Variants in ZBTB38 observed in about 807,000 individuals in gnomAD.
The protein encoded by ZBTB38 is zinc finger and BTB domain-containing protein 38.
ZBTB38 carries 20 observed loss-of-function variants against 76.8 expected under a neutral mutation model. The ratio of observed to expected loss-of-function variants is 0.26; its 90% CI spans 0.18 to 0.38. The LOEUF (loss-of-function observed/expected upper bound fraction) is 0.38. Ranked by LOEUF, ZBTB38 falls within the 10% of genes least tolerant of loss-of-function variation. ZBTB38 has a pLI of 1.00. For synonymous variants in ZBTB38, 504 were observed against 544.2 expected (o/e 0.93, Z 1.03); for missense variants, 1,082 against 1,482.3 (o/e 0.73, Z 4.43).
At chr3:141,332,442 AC>A (rs1330241433) in intron 1 of ZBTB38, among the ~76,000 whole-genome samples, 1 of 152,106 alleles carries the variant, frequency 6.6e-6, no homozygotes, top group Non-Finnish European at 1.5e-5. Flanking sequence ...CTACTCTAGC[AC>A]CTGGCAACTC....
chr3:141,399,436 C>CA (rs1320993377), intron 4 of ZBTB38, among the ~76,000 whole-genome samples: 1 of 152,124 alleles, frequency 6.6e-6, no homozygotes, highest in Admixed American at 6.5e-5. Flanking sequence ...GATTTACTAC[C>CA]AAACACACAC....
At chr3:141,407,348 C>T (rs1275510975) in intron 5 of ZBTB38, among the ~76,000 whole-genome samples, 1 of 152,194 alleles carries the variant, frequency 6.6e-6, no homozygotes, top group East Asian at 1.9e-4. Flanking sequence ...GAGTTTCTCT[C>T]TAAGCCTGAC....
intron 1 of ZBTB38, among the ~76,000 whole-genome samples, chr3:141,346,503 C>T (rs1943357713): frequency 6.6e-6 from 1 of 152,196 alleles, no homozygotes; most frequent in East Asian, 1.9e-4. Context: ...AGTTCCCTTT[C>T]ATTCATCCAA....
At chr3:141,354,495 C>A (rs981755243) in intron 1 of ZBTB38, among the ~76,000 whole-genome samples, 1 of 152,090 alleles carries the variant, frequency 6.6e-6, no homozygotes, top group Non-Finnish European at 1.5e-5. Flanking sequence ...TCTCTCCCAG[C>A]TGACTGAAAT....
intron 5 of ZBTB38, among the ~76,000 whole-genome samples, chr3:141,411,141 A>G (rs1232215201): frequency 2.6e-5 from 4 of 152,200 alleles, no homozygotes; most frequent in East Asian, 1.9e-4. Flanking sequence ...AAGACCACCA[A>G]TTCAGTCCAA....
intron 2 of ZBTB38, among the ~76,000 whole-genome samples, chr3:141,375,445 C>T (rs904541825): frequency 1.3e-5 from 2 of 152,192 alleles, no homozygotes; most frequent in African/African-American, 2.4e-5. Flanking sequence ...TAGGCATGCC[C>T]GTACTTCAAG....
rs1444542912 is a variant in ZBTB38 at position 141,413,338 on chromosome 3, G to A, written c.-1+9307G>A. Among the ~76,000 whole-genome samples, 2 of 152,144 alleles carry A rather than the reference G, an allele frequency of 1.3e-5. No homozygotes were observed. Among genetic ancestry groups the A allele is most frequent in the African/African-American group, 4.8e-5 (2 of 41,428 alleles). ...TGCTCCCCAGACTGAGGAATCAGCT[G>A]CACATCCCCCTGATGTCTCTAAAGC... On this transcript the variant is annotated intron_variant, in intron 5 of 5. Transcript: ENST00000321464. This position sits in a 1 kb window ranked among gnomAD's most constrained non-coding sequence, Gnocchi z 4.1.
intron 4 of ZBTB38, among the ~76,000 whole-genome samples, chr3:141,399,623 C>T (rs1038405327): frequency 1.3e-5 from 2 of 151,958 alleles, no homozygotes; most frequent in African/African-American, 4.8e-5. Flanking sequence ...AGTAAAACCA[C>T]GAATTAAATT....
At chr3:141,432,701 T>G (rs2077886993) in intron 5 of ZBTB38, among the ~76,000 whole-genome samples, 1 of 152,246 alleles carries the variant, frequency 6.6e-6, no homozygotes, top group Non-Finnish European at 1.5e-5. Context: ...TCATTTTAAG[T>G]TTTCTTCTGT....
rs2151002963 is a variant in ZBTB38, at chr3:141,445,014, C to T, written c.2626C>T (p.Pro876Ser). 6 of 1,614,124 alleles carry T rather than the reference C, an allele frequency of 3.7e-6. No individual in the cohort carries two copies. The East Asian group carries it at 1.1e-4, about 30-fold the overall frequency. The part of the protein sequence containing the change: ...PKYQMQEEPL[P>S]QGNDPEPSGD... The stretch of plus-strand genomic sequence containing the variant: ...GTATCAGATGCAGGAGGAGCCTTTG[C>T]CACAGGGGAATGACCCAGAACCCAG... The change falls in exon 6 of 6, where the codon CCA becomes TCA. Residue 876 changes from proline (P) to serine (S), a missense_variant. Pro to Ser is a moderately conservative substitution (Grantham distance 74). Around this residue, in one of 8 missense-constraint regions of ZBTB38, gnomAD observed 471 missense variants for 581.0 expected, o/e 0.81. Transcript: ENST00000321464. The surrounding 1 kb of genome is among the most constrained non-coding windows in gnomAD (Gnocchi z 6.5).
At chr3:141,334,603 G>C (rs1349900291) in intron 1 of ZBTB38, among the ~76,000 whole-genome samples, 1 of 152,010 alleles carries the variant, frequency 6.6e-6, no homozygotes, top group Non-Finnish European at 1.5e-5. Context: ...CAGCACCCCT[G>C]TCTGTCCCTC....
In ZBTB38 at chr3:141,445,628, C is replaced by G. The variant is rs985825657; in HGVS notation, c.3240C>G (p.Thr1080=). Residue 1080 remains threonine (T), a synonymous_variant, in exon 6 of 6, where the codon ACC becomes ACG. Coordinates refer to ENST00000321464, the MANE Select transcript of ZBTB38 (RefSeq NM_001376113.1). This position sits in a 1 kb window ranked among gnomAD's most constrained non-coding sequence, Gnocchi z 6.5. Reference sequence around the variant, plus strand: ...ACAAGGCATTCACCTTGAATGAGACCCTCAAAATCCATGAAAGAATCCATA... The same window carrying G: ...ACAAGGCATTCACCTTGAATGAGACGCTCAAAATCCATGAAAGAATCCATA... The part of the protein sequence containing the change: ...YCNKAFTLNE[T]LKIHERIHTG... 1.9e-6 allele frequency: 3 copies of G among 1,614,170 alleles called. No homozygotes were observed. In the Admixed American group the frequency reaches 5.0e-5, roughly 27 times the overall value.
At chr3:141,434,507 A>G (rs1458149956) in intron 5 of ZBTB38, among the ~76,000 whole-genome samples, 1 of 152,164 alleles carries the variant, frequency 6.6e-6, no homozygotes, top group East Asian at 1.9e-4. Context: ...GACCATGAGC[A>G]TAGATTCATT....
chr3:141,443,947 T>C lies in ZBTB38; in HGVS notation c.1559T>C (p.Phe520Ser). The change falls in exon 6 of 6, where the codon TTC (phenylalanine) becomes TCC (serine). Residue 520 changes from phenylalanine (F) to serine (S), a missense_variant. Coordinates refer to ENST00000321464, the MANE Select transcript of ZBTB38 (RefSeq NM_001376113.1). The surrounding 1 kb of genome is among the most constrained non-coding windows in gnomAD (Gnocchi z 5.6). ...HTGERRYQCI[F>S]CLETFMTYYI... Reference sequence around the variant, plus strand: ...GGAGAAAGACGATATCAGTGCATTTTCTGTCTTGAAACTTTCATGACCTAC... The same window carrying C: ...GGAGAAAGACGATATCAGTGCATTTCCTGTCTTGAAACTTTCATGACCTAC... 1 of 1,614,212 alleles carries C rather than the reference T, an allele frequency of 6.2e-7. No individual in the cohort carries two copies. The highest frequency in any genetic ancestry group is 8.5e-7 in the Non-Finnish European group (1 of 1,180,038).
At chr3:141,401,516 G>A (rs1052584433) in intron 4 of ZBTB38, among the ~76,000 whole-genome samples, 1 of 152,014 alleles carries the variant, frequency 6.6e-6, no homozygotes, top group East Asian at 1.9e-4. Flanking sequence ...CTTAAAACAT[G>A]GTCAGGAACT....
In ZBTB38 at chr3:141,445,405, C is replaced by T; in HGVS notation, c.3017C>T (p.Thr1006Ile). ...CAAGGAAGGCCCCACCGACATCTTA[C>T]TTCTCGGCCATATGCCTGCGAGCTC... ...GNQGRPHRHLTSRPYACELCA... is the reference protein window; with the variant it reads ...GNQGRPHRHLISRPYACELCA... The change falls in exon 6 of 6, where the codon ACT (threonine) becomes ATT (isoleucine). Residue 1006 changes from threonine to isoleucine, a missense_variant. Around this residue, in one of 8 missense-constraint regions of ZBTB38, gnomAD observed 471 missense variants for 581.0 expected, o/e 0.81. Coordinates refer to ENST00000321464, the MANE Select transcript of ZBTB38 (RefSeq NM_001376113.1). This position sits in a 1 kb window ranked among gnomAD's most constrained non-coding sequence, Gnocchi z 6.5. 5 of 1,614,210 alleles carry T rather than the reference C, an allele frequency of 3.1e-6. No individual in the cohort carries two copies. The highest frequency in any genetic ancestry group is 1.3e-5 in the African/African-American group (1 of 75,060).
intron 5 of ZBTB38, among the ~76,000 whole-genome samples, chr3:141,417,692 C>T (rs2074385902): frequency 6.6e-6 from 1 of 152,096 alleles, no homozygotes; most frequent in African/African-American, 2.4e-5. Context: ...AAATGACTTG[C>T]CATTGCTCAA....
At chr3:141,381,792 A>C (rs2149176160) in intron 3 of ZBTB38, among the ~76,000 whole-genome samples, 1 of 151,900 alleles carries the variant, frequency 6.6e-6, no homozygotes, top group Middle Eastern at 3.4e-3. Context: ...CTTGGAGTCC[A>C]GCTCTTGGCC....
At position 141,334,506 on chromosome 3, in the gene ZBTB38, CT is replaced by C. The variant is rs971927443; in HGVS notation, c.-739+10052del. Among the ~76,000 whole-genome samples the C allele has an allele frequency of 1.0e-4, 15 of 146,546 alleles. No homozygotes were observed. The Admixed American group carries it at 1.1e-3, about 10-fold the overall frequency. ...CTTTCTTCCTTCCTTCCTTCCTTTCCTTCCTTCTCCCTTCCTTTCTCTCTGG... is the reference window on the plus strand; with the variant it reads ...CTTTCTTCCTTCCTTCCTTCCTTTCCTCCTTCTCCCTTCCTTTCTCTCTGG... On this transcript the variant is annotated intron_variant, in intron 1 of 7. Coordinates refer to the ZBTB38 transcript ENST00000509842.
Sources: gnomAD v4.1 joint callset for allele counts (sites outside exome capture counted in the v4.1 genomes callset) on GRCh38, gnomAD v4.1.1 for gene constraint, gnomAD v4.1.1 regional missense constraint, Gnocchi (gnomAD v3.1) non-coding constraint, MANE v1.5 for transcripts, NCBI Gene and HGNC (gene_info 2026-07-23, HGNC 2026-07-21) for gene names.